GLI3: variants seen among roughly 807,000 people sequenced by gnomAD.
The protein encoded by GLI3 is transcription activator GLI3.
Under a neutral mutation model 100.8 loss-of-function variants are expected in GLI3, and 20 were observed. That is an observed-to-expected ratio of 0.20 (90% CI 0.14 to 0.29). GLI3 has a LOEUF of 0.29. Among genes scored for constraint, GLI3 ranks in the 10% least tolerant of loss-of-function variants. GLI3 has a pLI of 1.00. For missense variants in GLI3, 2,040 were observed against 2,128.5 expected, an observed-to-expected ratio of 0.96 and a Z score of 0.82; for synonymous variants, 938 against 860.5, an observed-to-expected ratio of 1.09 and a Z score of -1.58.
chr7:42,146,660 G>A (rs751472554), intron 3 of GLI3, among the ~76,000 whole-genome samples: 3 of 152,198 alleles, frequency 2.0e-5, no homozygotes, highest in Admixed American at 6.5e-5. Context: ...TAAGAGTCTA[G>A]CCTGAATTTT....
chr7:42,063,717 A>G (rs1158944058), intron 4 of GLI3, among the ~76,000 whole-genome samples: 1 of 152,204 alleles, frequency 6.6e-6, no homozygotes, highest in Non-Finnish European at 1.5e-5. Context: ...TCAAATACCT[A>G]TGCTGTGACA....
At chr7:42,042,972 A>C (rs1405121338) in intron 6 of GLI3, among the ~76,000 whole-genome samples, 1 of 152,130 alleles carries the variant, frequency 6.6e-6, no homozygotes, top group Non-Finnish European at 1.5e-5. Flanking sequence ...GCTACATATA[A>C]ACACTCTGTC....
chr7:42,107,098 T>C (rs1785594778), intron 3 of GLI3, among the ~76,000 whole-genome samples: 1 of 152,040 alleles, frequency 6.6e-6, no homozygotes, highest in African/African-American at 2.4e-5. Flanking sequence ...GGCAAACTGC[T>C]TGAGCCCAGG....
intron 2 of GLI3, among the ~76,000 whole-genome samples, chr7:42,156,745 C>T (rs182005664): frequency 2.6e-4 from 40 of 152,282 alleles, no homozygotes; most frequent in Admixed American, 1.7e-3. Flanking sequence ...TTTAAAGGCA[C>T]GAAGGAATAA....
intron 1 of GLI3, among the ~76,000 whole-genome samples, chr7:42,262,687 T>A (rs898679306): frequency 1.3e-5 from 2 of 152,236 alleles, no homozygotes; most frequent in African/African-American, 4.8e-5. Flanking sequence ...TTTTAAAGAA[T>A]TAATTTAAAG....
Position 41,961,885 on chromosome 7 carries a change from G to GA in GLI3, c.*2444dup. 1 of 151,940 alleles carries GA rather than the reference G, an allele frequency of 6.6e-6. No homozygotes were observed. The highest frequency in any genetic ancestry group is 1.5e-5 in the Non-Finnish European group (1 of 68,020). The allele number at this position is 151,940 out of a possible 1,614,324, so 9.4% of individuals were successfully genotyped here. A position where few individuals can be genotyped will look rare whatever the true frequency, so the allele number is the denominator to read the frequency against. The stretch of plus-strand genomic sequence containing the variant: ...CCTCCCTCCTCTCCTCTGTCCTTCT[G>GA]AAATTTCCATATTGAGAGAAGCCAA... On this transcript the variant is annotated 3_prime_UTR_variant, in exon 15 of 15. Transcript: ENST00000395925.
chr7:42,010,827 G>C (rs1025712264), intron 10 of GLI3, among the ~76,000 whole-genome samples: 1 of 152,164 alleles, frequency 6.6e-6, no homozygotes, highest in African/African-American at 2.4e-5. Context: ...GAGTTTAGTG[G>C]CCTTCAATAT....
chr7:42,141,148 C>A (rs1214827151), intron 3 of GLI3, among the ~76,000 whole-genome samples: 1 of 152,102 alleles, frequency 6.6e-6, no homozygotes, highest in Admixed American at 6.6e-5. Context: ...AAGATGTTAC[C>A]AAAATATGAA....
chr7:41,965,432 T>G lies in GLI3; in HGVS notation c.3641A>C (p.Gln1214Pro). 6.2e-7 allele frequency: 1 copy of G among 1,607,726 alleles called. No homozygotes were observed. Among genetic ancestry groups the G allele is most frequent in the Non-Finnish European group, 8.5e-7 (1 of 1,176,778 alleles). The change falls in exon 15 of 15, where the codon CAG becomes CCG. Residue 1214 changes from glutamine (Q) to proline (P), a missense_variant. Physicochemically the swap from Gln to Pro is moderately conservative, Grantham distance 76. Coordinates refer to ENST00000395925, the MANE Select transcript of GLI3 (RefSeq NM_000168.6). ...PLRSGPAGGY[Q>P]TLGENSNPYG... ...GGGGTTGCTGTTCTCCCCGAGGGTCTGATAGCCCCCAGCAGGCCCGCTCCT... is the reference window on the plus strand; with the variant it reads ...GGGGTTGCTGTTCTCCCCGAGGGTCGGATAGCCCCCAGCAGGCCCGCTCCT...
rs150765282 is a variant in GLI3 at position 42,071,557 on chromosome 7, T to A, written c.473+5195A>T. On this transcript the variant is annotated intron_variant, in intron 4 of 14. Transcript: ENST00000395925. Reference sequence around the variant, plus strand: ...ACTGAAGAGGCTCCTTTGGAATAAGTATGTGAGCTCTCAGTAAAGATAATA... The same window carrying A: ...ACTGAAGAGGCTCCTTTGGAATAAGAATGTGAGCTCTCAGTAAAGATAATA... Among the ~76,000 whole-genome samples, 63 of 152,214 alleles carry A rather than the reference T, an allele frequency of 4.1e-4. 1 individual carries two copies. The South Asian group carries it at 0.013, about 31-fold the overall frequency.
chr7:42,221,356 C>G (rs540378676), intron 2 of GLI3, among the ~76,000 whole-genome samples: 1 of 152,178 alleles, frequency 6.6e-6, no homozygotes, highest in Non-Finnish European at 1.5e-5. Context: ...ACAAACAGGA[C>G]AGGCGCTTCT....
intron 3 of GLI3, among the ~76,000 whole-genome samples, chr7:42,136,569 G>C (rs1023409519): frequency 1.3e-5 from 2 of 152,158 alleles, no homozygotes; most frequent in Admixed American, 1.3e-4. Flanking sequence ...GAGGACCACA[G>C]GCTTCCCCAT....
chr7:41,998,884 C>CCCAA lies in GLI3; in HGVS notation c.1498-20140_1498-20137dup, dbSNP rs78700699. ...TTCTGCTAAAAATATTAGTTTTCAC[C>CCCAA]CCAACCTACTTCAATGTCCTATTTA... is the stretch of plus-strand genomic sequence containing the variant. On this transcript the variant is annotated intron_variant, in intron 10 of 14. Coordinates refer to ENST00000395925, the MANE Select transcript of GLI3 (RefSeq NM_000168.6). Among the ~76,000 whole-genome samples the CCCAA allele has an allele frequency of 3.9e-5, 6 of 152,190 alleles. No homozygotes were observed. The East Asian group carries it at 1.2e-3, about 29-fold the overall frequency.
chr7:42,251,925 T>C (rs1159747533), intron 1 of GLI3, among the ~76,000 whole-genome samples: 1 of 151,922 alleles, frequency 6.6e-6, no homozygotes. Context: ...ATGAAACAGT[T>C]GCATCAAAAA....
intron 2 of GLI3, among the ~76,000 whole-genome samples, chr7:42,219,385 A>G (rs995303473): frequency 6.6e-6 from 1 of 152,188 alleles, no homozygotes; most frequent in Non-Finnish European, 1.5e-5. Flanking sequence ...ATATGTTGAT[A>G]TAGGTTCCTA....
At position 41,963,410 on chromosome 7, in the gene GLI3, A is replaced by C. The variant is rs1003770857; in HGVS notation, c.*920T>G. The C allele has an allele frequency of 1.3e-5, 2 of 152,186 alleles. No individual in the cohort carries two copies. Among genetic ancestry groups the C allele is most frequent in the Non-Finnish European group, 2.9e-5 (2 of 68,054 alleles). 9.4% of individuals were successfully genotyped at this position (152,186 alleles called of 1,614,324 possible). ...CACAGCAACTCATAAATATTCCCCC[A>C]ACTAATTCTACCCAATTGCTTCAAT... is the stretch of plus-strand genomic sequence containing the variant. On this transcript the variant is annotated 3_prime_UTR_variant, in exon 15 of 15. Coordinates refer to ENST00000395925, the MANE Select transcript of GLI3 (RefSeq NM_000168.6).
intron 3 of GLI3, among the ~76,000 whole-genome samples, chr7:42,093,595 C>T (rs1562725624): frequency 6.6e-6 from 1 of 152,088 alleles, no homozygotes; most frequent in Non-Finnish European, 1.5e-5. Context: ...AATTTCAGTG[C>T]TTATGGCTCT....
At chr7:42,040,609 G>A (rs1784116951) in intron 6 of GLI3, among the ~76,000 whole-genome samples, 1 of 152,080 alleles carries the variant, frequency 6.6e-6, no homozygotes, top group Admixed American at 6.6e-5. Flanking sequence ...TTCCCACAAT[G>A]GCAACATACC....
At chr7:42,170,287 T>TATATATATATACACACACACACAC (rs1452471645) in intron 2 of GLI3, among the ~76,000 whole-genome samples, 21 of 124,000 alleles carry the variant, frequency 1.7e-4, no homozygotes, top group African/African-American at 6.1e-4. Flanking sequence ...TATATATATA[T>TATATATATATACACACACACACAC]ACACACACAT....
Sources: allele counts gnomAD v4.1 joint callset (sites outside exome capture counted in the v4.1 genomes callset), GRCh38; gene constraint gnomAD v4.1.1; transcripts MANE v1.5; gene names NCBI Gene and HGNC (gene_info 2026-07-23, HGNC 2026-07-21).